ISCU: variants seen among roughly 807,000 people sequenced by gnomAD.
ISCU encodes the protein iron-sulfur cluster assembly enzyme.
A neutral mutation model predicts 18.4 loss-of-function variants in ISCU; 13 were observed. The observed-to-expected ratio is 0.71, with a 90% CI of 0.46 to 1.12. The LOEUF is 1.12. Among genes scored for constraint, ISCU ranks in the 50% most tolerant of loss-of-function variants. The pLI is 0.00. For synonymous variants in ISCU, 104 were observed against 87.5 expected, an observed-to-expected ratio of 1.19 and a Z score of -1.06; for missense variants, 229 against 208.7, an observed-to-expected ratio of 1.10 and a Z score of -0.60.
At chr12:108,562,797 G>T in intron 1 of ISCU, 61 bp downstream of exon 1, 1 of 1,010,910 alleles carries the variant, frequency 9.9e-7, no homozygotes, top group South Asian at 2.2e-5. Context: ...CTGGAGGGGC[G>T]GCCGCGGGGT....
At chr12:108,567,956 C>T (rs1437174265) in intron 4 of ISCU, 6 of 1,450,234 alleles carry the variant, frequency 4.1e-6, no homozygotes, top group Non-Finnish European at 5.6e-6. Flanking sequence ...CTTAATGCAT[C>T]GATGGAGGTT....
At chr12:108,565,656 A>G (rs1476572289) in intron 3 of ISCU, among the ~76,000 whole-genome samples, 1 of 152,132 alleles carries the variant, frequency 6.6e-6, no homozygotes, top group Non-Finnish European at 1.5e-5. Flanking sequence ...AAAGATCCTC[A>G]CCTGTCCCTC....
At chr12:108,562,575 C>T, upstream of ISCU, 1 of 1,134,626 alleles carries the variant, frequency 8.8e-7, no homozygotes, top group East Asian at 3.2e-5. Flanking sequence ...GCAGACGCGC[C>T]CCGCCCCTCG....
At chr12:108,563,538 G>A (rs1565874331) in intron 1 of ISCU, 1 of 168,042 alleles carries the variant, frequency 6.0e-6, no homozygotes, top group Non-Finnish European at 1.3e-5. Flanking sequence ...GAAGATCGGC[G>A]TGCTTACTAC....
In ISCU at chr12:108,562,714, C is replaced by T. The variant is rs376643383; in HGVS notation, c.92C>T (p.Pro31Leu). 1.9e-5 allele frequency: 29 copies of T among 1,489,420 alleles called. 1 individual carries two copies. The South Asian group carries it at 3.3e-4, about 17-fold the overall frequency. 92.3% of individuals were successfully genotyped at this position (1,489,420 alleles called of 1,614,324 possible). A position where few individuals can be genotyped will look rare whatever the true frequency, so the allele number is the denominator to read the frequency against. The change falls in exon 1 of 5, where the codon CCG (proline) becomes CTG (leucine). Residue 31 changes from proline to leucine, a missense_variant. By Grantham distance (98) the Pro-to-Leu change is moderately conservative. Coordinates refer to ENST00000311893, the MANE Select transcript of ISCU (RefSeq NM_213595.4). The part of the protein sequence containing the change: ...PRLPARELSA[P>L]ARLYHKKVVD... ...CTGCCCGCCCGGGAGCTGTCGGCCC[C>T]GGCCCGACTCTATCACAAGAAGGTA...
rs1372021347 is a variant in ISCU at position 108,568,608 on chromosome 12, A to G, written c.419-223A>G. On this transcript the variant is annotated intron_variant, in intron 4 of 4. Transcript: ENST00000311893. ...GAGGCTAAGGAACTAGCCTGGGATC[A>G]CAGATTTTTAACCCTAGTCTGTCTC... The G allele has an allele frequency of 2.1e-6, 3 of 1,412,464 alleles. No individual in the cohort carries two copies. In the African/African-American group the frequency reaches 4.3e-5, roughly 20 times the overall value. The allele number at this position is 1,412,464 out of a possible 1,614,324, so 87.5% of individuals were successfully genotyped here.
chr12:108,564,297 A>C lies in ISCU; in HGVS notation c.133A>C (p.Asn45His). ...YHKKVVDHYE[N>H]PRNVGSLDKT... ...ATTTTAGGTTGTTGATCATTATGAA[A>C]ATCCTAGAAACGTGGGGTCCCTTGA... Residue 45 changes from asparagine to histidine, a missense_variant, in exon 2 of 5, where the codon AAT (asparagine) becomes CAT (histidine). Coordinates refer to ENST00000311893, the MANE Select transcript of ISCU (RefSeq NM_213595.4). 2 of 1,613,998 alleles carry C rather than the reference A, an allele frequency of 1.2e-6. No homozygotes were observed. Among genetic ancestry groups the C allele is most frequent in the Non-Finnish European group, 1.7e-6 (2 of 1,179,834 alleles).
At chr12:108,565,011 C>A in intron 2 of ISCU, 1 of 426,280 alleles carries the variant, frequency 2.3e-6, no homozygotes, top group Non-Finnish European at 4.3e-6. Context: ...GCCCCAGCAG[C>A]TGTGAGCAGA....
chr12:108,567,268 AG>A lies in ISCU; in HGVS notation c.418+1del. On this transcript the variant is annotated splice_donor_variant, in intron 4 of 4. Transcript: ENST00000311893. LOFTEE classifies it high-confidence loss of function. ...TCCTCCCGTGAAACTGCACTGCTCCAGTAAGTCTCTGCTCTCCATACCAGTC... is the reference window on the plus strand; with the variant it reads ...TCCTCCCGTGAAACTGCACTGCTCCATAAGTCTCTGCTCTCCATACCAGTC... 6.2e-7 allele frequency: 1 copy of A among 1,611,904 alleles called. No individual in the cohort carries two copies. The highest frequency in any genetic ancestry group is 8.5e-7 in the Non-Finnish European group (1 of 1,177,956).
At chr12:108,563,311 G>C (rs2030719378) in intron 1 of ISCU, 1 of 152,768 alleles carries the variant, frequency 6.5e-6, no homozygotes, top group South Asian at 2.1e-4. Flanking sequence ...TTTTGTTTGG[G>C]GGGTTTTTTG....
At position 108,569,010 on chromosome 12, in the gene ISCU, C is replaced by G; in HGVS notation, c.*94C>G. On this transcript the variant is annotated 3_prime_UTR_variant, in exon 5 of 5. Transcript: ENST00000311893. ...ATGTTCAGAAGCCGCTTCCTCTCCA[C>G]TGAAGAGCTATGAGATACGCACAAT... 9.8e-7 allele frequency: 1 copy of G among 1,022,028 alleles called. No homozygotes were observed. The highest frequency in any genetic ancestry group is 1.4e-5 in the South Asian group (1 of 73,628). 63.3% of individuals were successfully genotyped at this position (1,022,028 alleles called of 1,614,324 possible).
upstream of ISCU, among the ~76,000 whole-genome samples, chr12:108,561,991 G>A (rs1343789508): frequency 6.6e-6 from 1 of 152,040 alleles, no homozygotes; most frequent in Non-Finnish European, 1.5e-5. Context: ...TTTGCTTTCC[G>A]TTGGATCCCC....
At chr12:108,568,506 C>T (rs747412970) in intron 4 of ISCU, 39 of 1,223,594 alleles carry the variant, frequency 3.2e-5, no homozygotes, top group Non-Finnish European at 4.0e-5. Context: ...TGTCAGACAT[C>T]TTCTGTAAGT....
rs928246748 is a variant in ISCU, at chr12:108,568,401, G to C, written c.419-430G>C. ...AGATTGACATGATCTTTTTTCCAAA[G>C]GGCATGTCAACTTTTTTATCATGAC... On this transcript the variant is annotated intron_variant, in intron 4 of 4. Transcript: ENST00000311893. 12 of 1,093,906 alleles carry C rather than the reference G, an allele frequency of 1.1e-5. No individual in the cohort carries two copies. The Admixed American group carries it at 4.8e-4, about 43-fold the overall frequency. 67.8% of individuals were successfully genotyped at this position (1,093,906 alleles called of 1,614,324 possible). A position where few individuals can be genotyped will look rare whatever the true frequency, so the allele number is the denominator to read the frequency against.
chr12:108,567,825 A>G, intron 4 of ISCU: 2 of 1,518,660 alleles, frequency 1.3e-6, no homozygotes, highest in Non-Finnish European at 8.8e-7. Context: ...CTATCCTAAA[A>G]AAAAGCCCAG....
intron 1 of ISCU, chr12:108,563,629 C>T (rs1406795571): frequency 1.7e-5 from 4 of 241,716 alleles, no homozygotes; most frequent in African/African-American, 9.1e-5. Context: ...CTGGCTTCTG[C>T]CCTTTCTCCA....
Position 108,565,315 on chromosome 12 carries a change from T to C in ISCU, c.229-6T>C, listed in dbSNP as rs776752163. 3.1e-6 allele frequency: 5 copies of C among 1,609,772 alleles called. No individual in the cohort carries two copies. The South Asian group carries it at 4.4e-5, about 14-fold the overall frequency. On this transcript the variant is annotated splice_region_variant and splice_polypyrimidine_tract_variant and intron_variant, in intron 2 of 4. Coordinates refer to ENST00000311893, the MANE Select transcript of ISCU (RefSeq NM_213595.4). Reference sequence around the variant, plus strand: ...ACTCACCACTTAACTCTTGTCTCTTTTCTAGATTCAAGTGGATGAAAAGGG... The same window carrying C: ...ACTCACCACTTAACTCTTGTCTCTTCTCTAGATTCAAGTGGATGAAAAGGG...
In ISCU at chr12:108,565,310, C is replaced by T; in HGVS notation, c.229-11C>T. The T allele has an allele frequency of 6.2e-7, 1 of 1,603,488 alleles. No individual in the cohort carries two copies. The highest frequency in any genetic ancestry group is 8.5e-7 in the Non-Finnish European group (1 of 1,170,242). On this transcript the variant is annotated splice_polypyrimidine_tract_variant and intron_variant, in intron 2 of 4. Transcript: ENST00000311893. ...CCAGGACTCACCACTTAACTCTTGT[C>T]TCTTTTCTAGATTCAAGTGGATGAA... is the stretch of plus-strand genomic sequence containing the variant.
Position 108,562,627 on chromosome 12 carries a change from C to T in ISCU, c.5C>T (p.Ala2Val), listed in dbSNP as rs770958308. The change falls in exon 1 of 5, where the codon GCG (alanine) becomes GTG (valine). Residue 2 changes from alanine to valine, a missense_variant. Ala to Val is a moderately conservative substitution (Grantham distance 64). Coordinates refer to ENST00000311893, the MANE Select transcript of ISCU (RefSeq NM_213595.4). ...GCGCAGGCGCAAGCCGGCAAGATGG[C>T]GGCGGCTGGGGCTTTCCGTCTGAGG... M[A>V]AAGAFRLRRA... The T allele has an allele frequency of 2.6e-5, 38 of 1,466,448 alleles. No homozygotes were observed. The highest frequency in any genetic ancestry group is 3.0e-5 in the Non-Finnish European group (33 of 1,114,378). The allele number at this position is 1,466,448 out of a possible 1,614,324, so 90.8% of individuals were successfully genotyped here. A position where few individuals can be genotyped will look rare whatever the true frequency, so the allele number is the denominator to read the frequency against.
Sources: allele counts gnomAD v4.1 joint callset (sites outside exome capture counted in the v4.1 genomes callset), GRCh38; gene constraint gnomAD v4.1.1; transcripts MANE v1.5; gene names NCBI Gene and HGNC (gene_info 2026-07-23, HGNC 2026-07-21).